Variants in TRDN observed in about 807,000 individuals in gnomAD.
TRDN encodes the protein triadin in skeletal muscle.
Under a neutral mutation model 149.7 loss-of-function variants are expected in TRDN, and 161 were observed. The ratio of observed to expected loss-of-function variants is 1.08; its 90% CI spans 0.95 to 1.23. The LOEUF (loss-of-function observed/expected upper bound fraction) is 1.23, where lower values mean the gene tolerates loss of function less well. Ranked by LOEUF, TRDN falls within the 50% of genes most tolerant of loss-of-function variation. TRDN has a pLI of 0.00. For synonymous variants in TRDN, 294 were observed against 250.5 expected, an observed-to-expected ratio of 1.17 and a Z score of -1.64; for missense variants, 896 against 823.5, an observed-to-expected ratio of 1.09 and a Z score of -1.08.
At chr6:123,236,106 A>G (rs1775777920) in intron 38 of TRDN, among the ~76,000 whole-genome samples, 2 of 152,150 alleles carry the variant, frequency 1.3e-5, no homozygotes, top group South Asian at 4.1e-4. Context: ...TGCCAGTACC[A>G]TTTTGCCTTC....
At chr6:123,336,854 A>G (rs1229497229) in intron 22 of TRDN, among the ~76,000 whole-genome samples, 1 of 151,306 alleles carries the variant, frequency 6.6e-6, no homozygotes, top group Non-Finnish European at 1.5e-5. Flanking sequence ...GTTATAGTAC[A>G]TATATATAAC....
intron 38 of TRDN, among the ~76,000 whole-genome samples, chr6:123,227,739 TTG>T (rs765928151): frequency 3.9e-4 from 54 of 137,374 alleles, no homozygotes; most frequent in Middle Eastern, 3.5e-3. Context: ...GTTTGTTTGT[TTG>T]TTTGTTTGTT....
chr6:123,572,786 T>A (rs1782650136), intron 1 of TRDN, among the ~76,000 whole-genome samples: 1 of 152,140 alleles, frequency 6.6e-6, no homozygotes, highest in Admixed American at 6.6e-5. Flanking sequence ...GAAAGAAAAC[T>A]TTGATTCAAT....
chr6:123,550,538 AT>A (rs1331635596), intron 2 of TRDN, among the ~76,000 whole-genome samples: 6 of 152,052 alleles, frequency 3.9e-5, no homozygotes, highest in African/African-American at 1.2e-4. Context: ...GGCAGTGAGT[AT>A]ATTTTTATGC....
chr6:123,420,384 ATTTT>A (rs755955611), intron 12 of TRDN, among the ~76,000 whole-genome samples: 2,753 of 105,352 alleles, frequency 0.026, 85 homozygotes, highest in African/African-American at 0.089. Flanking sequence ...AGATGCAAGG[ATTTT>A]TTTAAAAAAA....
intron 10 of TRDN, among the ~76,000 whole-genome samples, chr6:123,447,604 T>C: frequency 6.6e-6 from 1 of 152,152 alleles, no homozygotes; most frequent in East Asian, 1.9e-4. Context: ...GTCTTGCAGA[T>C]GCAGTTGAGA....
At chr6:123,351,639 T>C in intron 21 of TRDN, 2 of 955,554 alleles carry the variant, frequency 2.1e-6, no homozygotes, top group East Asian at 2.3e-4. Context: ...ATTTGACATG[T>C]GAGGGATTGA....
At chr6:123,251,302 C>T (rs990833731) in intron 38 of TRDN, among the ~76,000 whole-genome samples, 1 of 152,048 alleles carries the variant, frequency 6.6e-6, no homozygotes, top group Non-Finnish European at 1.5e-5. Context: ...AGGACCTTCT[C>T]TATCCAATGC....
intron 12 of TRDN, among the ~76,000 whole-genome samples, chr6:123,415,478 C>T (rs568246599): frequency 2.6e-4 from 39 of 152,300 alleles, no homozygotes; most frequent in African/African-American, 8.9e-4. Context: ...AGGCAAGGCT[C>T]AAAGCCAGAC....
intron 28 of TRDN, 129 bp from the exon 29 acceptor site, chr6:123,273,140 A>C: frequency 1.3e-6 from 1 of 754,940 alleles, no homozygotes; most frequent in Non-Finnish European, 2.0e-6. Context: ...TTTCTATGTA[A>C]AACTTAAAGG....
chr6:123,486,253 C>CT (rs574124381), intron 9 of TRDN, among the ~76,000 whole-genome samples: 16,570 of 141,910 alleles, frequency 0.12, 1,197 homozygotes, highest in Non-Finnish European at 0.17. Context: ...GGTGTAACTT[C>CT]TTTTTTTTTT....
intron 36 of TRDN, 22 bp downstream of exon 36, chr6:123,255,845 T>C (rs767472585): frequency 3.4e-5 from 45 of 1,326,240 alleles, no homozygotes; most frequent in Non-Finnish European, 4.3e-5. Context: ...GCATTCTATT[T>C]TTTATTCTTT....
intron 10 of TRDN, chr6:123,464,272 T>G (rs560241824): frequency 1.0e-6 from 1 of 985,022 alleles, no homozygotes; most frequent in South Asian, 4.7e-5. Flanking sequence ...GCAAAATTTA[T>G]TACAAAGCTG....
chr6:123,377,603 A>G (rs549633646), intron 18 of TRDN, 113 bp downstream of exon 18: 2 of 1,251,628 alleles, frequency 1.6e-6, no homozygotes, highest in African/African-American at 1.5e-5. Context: ...ACACTGTGAG[A>G]TGGAAGCATT....
chr6:123,628,488 A>C (rs1463458081), intron 1 of TRDN, among the ~76,000 whole-genome samples: 1 of 152,174 alleles, frequency 6.6e-6, no homozygotes, highest in Non-Finnish European at 1.5e-5. Flanking sequence ...CGAAACAGAC[A>C]TACCAATAAC....
At chr6:123,445,392 T>A (rs1219620596) in intron 10 of TRDN, among the ~76,000 whole-genome samples, 1 of 127,350 alleles carries the variant, frequency 7.9e-6, no homozygotes, top group East Asian at 2.0e-4. Context: ...AAATGGGATC[T>A]AATTAAACTA....
chr6:123,598,439 C>A (rs972484299), intron 1 of TRDN, among the ~76,000 whole-genome samples: 1 of 152,062 alleles, frequency 6.6e-6, no homozygotes, highest in East Asian at 1.9e-4. Context: ...TTGCACACTA[C>A]GTTTAAGAAA....
intron 12 of TRDN, among the ~76,000 whole-genome samples, chr6:123,399,288 T>TC (rs1257988546): frequency 6.6e-6 from 1 of 152,244 alleles, no homozygotes; most frequent in East Asian, 1.9e-4. Context: ...AATGAGCATT[T>TC]CCCCCTCATG....
At chr6:123,280,438 T>C (rs559961869) in intron 24 of TRDN, among the ~76,000 whole-genome samples, 1 of 152,310 alleles carries the variant, frequency 6.6e-6, no homozygotes, top group Non-Finnish European at 1.5e-5. Flanking sequence ...ACGTAAACTT[T>C]ATATTCAGTT....
Sources: gnomAD v4.1 joint callset for allele counts (sites outside exome capture counted in the v4.1 genomes callset) on GRCh38, gnomAD v4.1.1 for gene constraint, MANE v1.5 for transcripts, NCBI Gene and HGNC (gene_info 2026-07-23, HGNC 2026-07-21) for gene names.